The following CDH12 variants were observed in gnomAD, a reference collection of about 807,000 sequenced individuals.
CDH12 encodes cadherin 12, also known as cadherin-12.
Under a neutral mutation model 74.1 loss-of-function variants are expected in CDH12, and 41 were observed. The observed-to-expected ratio is 0.55, with a 90% confidence interval of 0.43 to 0.72. The LOEUF is 0.72. Among genes scored for constraint, CDH12 ranks in the 30% least tolerant of loss-of-function variants. CDH12 has a pLI of 0.00. For synonymous variants in CDH12, 399 were observed against 355.0 expected, an observed-to-expected ratio of 1.12 and a Z score of -1.39; for missense variants, 945 against 977.2, an observed-to-expected ratio of 0.97 and a Z score of 0.44.
intron 1 of CDH12, among the ~76,000 whole-genome samples, chr5:22,777,151 G>A (rs746591143): frequency 1.3e-5 from 2 of 151,734 alleles, no homozygotes; most frequent in African/African-American, 2.4e-5. Flanking sequence ...CCCCAAAACA[G>A]AAAAAAAATC....
chr5:21,841,040 CA>C (rs988173773), intron 8 of CDH12, among the ~76,000 whole-genome samples: 6 of 151,906 alleles, frequency 3.9e-5, no homozygotes, highest in African/African-American at 1.4e-4. Flanking sequence ...TTCTGCACAG[CA>C]AAAGAAACTA....
chr5:22,003,840 A>AAC (rs1257374254), intron 5 of CDH12, among the ~76,000 whole-genome samples: 2 of 151,730 alleles, frequency 1.3e-5, no homozygotes, highest in East Asian at 3.9e-4. Flanking sequence ...AAAAAAAAAA[A>AAC]AAAAAAAAGG....
At chr5:22,797,250 GC>G (rs1748277203) in intron 1 of CDH12, among the ~76,000 whole-genome samples, 1 of 148,584 alleles carries the variant, frequency 6.7e-6, no homozygotes. Flanking sequence ...TGAAGACACA[GC>G]GAGAAGACAA....
At chr5:21,948,235 C>A (rs548410651) in intron 6 of CDH12, among the ~76,000 whole-genome samples, 2 of 152,250 alleles carry the variant, frequency 1.3e-5, no homozygotes, top group African/African-American at 4.8e-5. Flanking sequence ...TCTCCAGACC[C>A]CTGAATGGAA....
At position 21,834,638 on chromosome 5, in the gene CDH12, C is replaced by T. The variant is rs891500588; in HGVS notation, c.814+7523G>A. 2.8e-4 allele frequency among the ~76,000 whole-genome samples: 42 copies of T among 151,950 alleles called. 1 individual carries two copies. Among genetic ancestry groups the T allele is most frequent in the African/African-American group, 8.2e-4 (34 of 41,472 alleles). On this transcript the variant is annotated intron_variant, in intron 8 of 14. Transcript: ENST00000382254. ...ACCAGTACTACACTTTAGAAACGAA[C>T]GTATATTTGTATAATTGAAACATTA...
At chr5:22,031,666 G>C (rs1738834869) in intron 5 of CDH12, among the ~76,000 whole-genome samples, 1 of 152,096 alleles carries the variant, frequency 6.6e-6, no homozygotes, top group South Asian at 2.1e-4. Context: ...GCCACTGTAG[G>C]GACATTAATT....
At chr5:22,541,914 A>C (rs1738119193) in intron 1 of CDH12, among the ~76,000 whole-genome samples, 2 of 152,128 alleles carry the variant, frequency 1.3e-5, no homozygotes, top group African/African-American at 4.8e-5. Context: ...TCTATACCTC[A>C]CTGAAAGATT....
intron 5 of CDH12, among the ~76,000 whole-genome samples, chr5:22,072,724 T>A (rs915407918): frequency 1.7e-4 from 25 of 151,086 alleles, no homozygotes; most frequent in African/African-American, 5.6e-4. Context: ...CCCTCCCCCC[T>A]CTCCCCACCC....
chr5:22,399,195 T>TATC (rs1742600525), intron 3 of CDH12, among the ~76,000 whole-genome samples: 1 of 63,776 alleles, frequency 1.6e-5, no homozygotes, highest in South Asian at 4.4e-4. Context: ...ACCCAGTATC[T>TATC]ATCTATCTAT....
chr5:22,259,164 CA>C (rs1753426985), intron 3 of CDH12, among the ~76,000 whole-genome samples: 1 of 151,900 alleles, frequency 6.6e-6, no homozygotes, highest in African/African-American at 2.4e-5. Context: ...AATAAATTGA[CA>C]ATGAAAACAA....
chr5:22,124,248 CG>C (rs1352253908), intron 4 of CDH12, among the ~76,000 whole-genome samples: 18 of 152,106 alleles, frequency 1.2e-4, no homozygotes, highest in Non-Finnish European at 2.4e-4. Context: ...CTCAGCCTCT[CG>C]GGTAGCTGGG....
chr5:21,908,463 G>T (rs781424504), intron 6 of CDH12, among the ~76,000 whole-genome samples: 1 of 152,146 alleles, frequency 6.6e-6, no homozygotes, highest in African/African-American at 2.4e-5. Flanking sequence ...GTTGGGCCAA[G>T]ATCTCATCCA....
intron 3 of CDH12, among the ~76,000 whole-genome samples, chr5:22,395,811 G>T (rs907035296): frequency 3.3e-5 from 5 of 152,046 alleles, no homozygotes; most frequent in African/African-American, 9.7e-5. Flanking sequence ...ATAAAGAAGA[G>T]ATGGGTAAGG....
intron 1 of CDH12, among the ~76,000 whole-genome samples, chr5:22,507,355 T>TA (rs1300894002): frequency 1.3e-5 from 2 of 152,090 alleles, no homozygotes; most frequent in Admixed American, 1.3e-4. Context: ...AATGTAATTT[T>TA]TAATGAAATT....
chr5:22,258,487 A>T (rs1465329640), intron 3 of CDH12, among the ~76,000 whole-genome samples: 2 of 152,090 alleles, frequency 1.3e-5, no homozygotes, highest in Non-Finnish European at 2.9e-5. Flanking sequence ...GCATATCTAT[A>T]GTAAAACCAT....
intron 1 of CDH12, among the ~76,000 whole-genome samples, chr5:22,668,633 A>G (rs539770282): frequency 4.3e-4 from 66 of 151,984 alleles, no homozygotes; most frequent in African/African-American, 1.5e-3. Flanking sequence ...TAAAGTCATC[A>G]GTCTCTCTCT....
intron 10 of CDH12, among the ~76,000 whole-genome samples, chr5:21,788,910 G>A (rs1185000122): frequency 6.6e-6 from 1 of 151,758 alleles, no homozygotes; most frequent in Admixed American, 6.6e-5. Context: ...ATTTGCATTT[G>A]CCATTTTATT....
intron 6 of CDH12, among the ~76,000 whole-genome samples, chr5:21,910,493 T>C (rs1753816412): frequency 6.6e-6 from 1 of 152,102 alleles, no homozygotes; most frequent in Admixed American, 6.6e-5. Context: ...CGTGCAAATG[T>C]ATGTCCTATA....
chr5:22,114,855 A>C (rs1745000645), intron 4 of CDH12, among the ~76,000 whole-genome samples: 1 of 152,230 alleles, frequency 6.6e-6, no homozygotes, highest in Admixed American at 6.5e-5. Context: ...AAGAGTGTCC[A>C]ATCGCTTCAC....
Sources: allele counts gnomAD v4.1 joint callset (sites outside exome capture counted in the v4.1 genomes callset), GRCh38; gene constraint gnomAD v4.1.1; transcripts MANE v1.5; gene names NCBI Gene and HGNC (gene_info 2026-07-23, HGNC 2026-07-21).